FCHSD2: variants seen among roughly 807,000 people sequenced by gnomAD.
The protein encoded by FCHSD2 is FCH and double SH3 domains 2.
Under a neutral mutation model 108.1 loss-of-function variants are expected in FCHSD2, and 38 were observed. That is an observed-to-expected ratio of 0.35 (90% CI 0.27 to 0.46). The LOEUF (loss-of-function observed/expected upper bound fraction) is 0.46. Ranked by LOEUF, FCHSD2 falls within the 20% of genes least tolerant of loss-of-function variation. The pLI is 1.00. For missense variants in FCHSD2, 751 were observed against 897.8 expected (o/e 0.84, Z 2.09); for synonymous variants, 279 against 314.7 (o/e 0.89, Z 1.20).
chr11:72,978,188 C>T (rs756173837), intron 8 of FCHSD2, among the ~76,000 whole-genome samples: 5 of 151,900 alleles, frequency 3.3e-5, no homozygotes, highest in African/African-American at 4.8e-5. Flanking sequence ...GGAGGGATAG[C>T]GTTAGGAGAT....
At chr11:72,887,709 A>T (rs1293561180) in intron 11 of FCHSD2, 135 bp from the exon 12 acceptor site, 3 of 554,790 alleles carry the variant, frequency 5.4e-6, no homozygotes, top group Non-Finnish European at 9.0e-6. Context: ...TTATTTTTTG[A>T]ACATTTTGAA....
intron 8 of FCHSD2, among the ~76,000 whole-genome samples, chr11:72,958,993 A>ATG (rs59339008): frequency 0.17 from 19,421 of 114,520 alleles, 1,325 homozygotes; most frequent in East Asian, 0.45. Context: ...TCAGTAAGAT[A>ATG]TGTGTGTGTG....
In FCHSD2 at chr11:72,988,227, T is replaced by A. The variant is rs371405339; in HGVS notation, c.521+737A>T. On this transcript the variant is annotated intron_variant, in intron 6 of 19. Transcript: ENST00000409418. ...GCACACTGACCCTGAGTCTCAGCTC[T>A]CCTTCTCACAGATGTCTTCAGAGTC... is the stretch of plus-strand genomic sequence containing the variant. Among the ~76,000 whole-genome samples, 5 of 152,322 alleles carry A rather than the reference T, an allele frequency of 3.3e-5. No homozygotes were observed. In the South Asian group the frequency reaches 1.0e-3, roughly 32 times the overall value.
intron 4 of FCHSD2, among the ~76,000 whole-genome samples, chr11:73,002,779 C>T (rs1001087750): frequency 8.5e-5 from 13 of 152,160 alleles, no homozygotes; most frequent in African/African-American, 3.1e-4. Context: ...AGTCTTTCAC[C>T]GTCACCACCA....
At chr11:73,025,543 T>G (rs2135444666) in intron 3 of FCHSD2, among the ~76,000 whole-genome samples, 1 of 152,220 alleles carries the variant, frequency 6.6e-6, no homozygotes, top group East Asian at 1.9e-4. Context: ...TAATGGGTAC[T>G]AGGCTTAATA....
intron 3 of FCHSD2, among the ~76,000 whole-genome samples, chr11:73,072,698 G>A (rs1859464351): frequency 6.6e-6 from 1 of 152,076 alleles, no homozygotes; most frequent in Admixed American, 6.5e-5. Flanking sequence ...TTGGCAGAAA[G>A]AAAAGCTCCA....
At chr11:72,988,686 C>T (rs767026200) in intron 6 of FCHSD2, among the ~76,000 whole-genome samples, 2 of 152,144 alleles carry the variant, frequency 1.3e-5, no homozygotes, top group Admixed American at 6.5e-5. Context: ...TTTTGATAAG[C>T]TTTCAAGTCT....
chr11:72,953,739 T>A (rs1856659432), intron 8 of FCHSD2, among the ~76,000 whole-genome samples: 1 of 152,122 alleles, frequency 6.6e-6, no homozygotes, highest in Non-Finnish European at 1.5e-5. Context: ...TGCCGCCTTA[T>A]GTTGTGTAGT....
chr11:73,079,200 ATTT>A (rs775568668), intron 3 of FCHSD2, among the ~76,000 whole-genome samples: 2 of 143,346 alleles, frequency 1.4e-5, no homozygotes, highest in African/African-American at 2.5e-5. Context: ...AAGAGAAATA[ATTT>A]TTTTTTTTTT....
intron 5 of FCHSD2, among the ~76,000 whole-genome samples, chr11:72,992,507 ATAC>A (rs1438731853): frequency 6.6e-6 from 1 of 152,192 alleles, no homozygotes; most frequent in African/African-American, 2.4e-5. Context: ...ACTTCAAACT[ATAC>A]TACAAGGCTA....
chr11:72,945,890 G>T lies in FCHSD2; in HGVS notation c.706-23940C>A, dbSNP rs181667824. Among the ~76,000 whole-genome samples, 291 of 152,308 alleles carry T rather than the reference G, an allele frequency of 1.9e-3. 2 individuals carry two copies. The highest frequency in any genetic ancestry group is 3.0e-3 in the Non-Finnish European group (206 of 68,032). On this transcript the variant is annotated intron_variant, in intron 8 of 19. Coordinates refer to ENST00000409418, the MANE Select transcript of FCHSD2 (RefSeq NM_014824.3). Reference sequence around the variant, plus strand: ...AGAATGGCGATCATTAGAAAGTCAGGAAACAACTGGTGCTGGAGGGGATGT... The same window carrying T: ...AGAATGGCGATCATTAGAAAGTCAGTAAACAACTGGTGCTGGAGGGGATGT...
chr11:73,134,114 C>T (rs1419524156), intron 2 of FCHSD2, among the ~76,000 whole-genome samples: 1 of 151,426 alleles, frequency 6.6e-6, no homozygotes, highest in Non-Finnish European at 1.5e-5. Context: ...AAAAAAAACT[C>T]TAGACCAGAT....
chr11:72,906,472 T>C (rs1170961385), intron 9 of FCHSD2, among the ~76,000 whole-genome samples: 2 of 152,238 alleles, frequency 1.3e-5, no homozygotes, highest in Non-Finnish European at 2.9e-5. Flanking sequence ...GCCATTGCTT[T>C]CGGTGTTTTA....
At chr11:73,096,024 C>CA (rs1427283958) in intron 2 of FCHSD2, among the ~76,000 whole-genome samples, 2 of 149,758 alleles carry the variant, frequency 1.3e-5, no homozygotes, top group Non-Finnish European at 3.0e-5. Context: ...TAGAAAAAAA[C>CA]AAAAAACAAA....
At chr11:72,970,696 C>T (rs1856991173) in intron 8 of FCHSD2, among the ~76,000 whole-genome samples, 3 of 152,214 alleles carry the variant, frequency 2.0e-5, no homozygotes, top group Admixed American at 6.5e-5. Context: ...CGACATCCCA[C>T]TCACATACAA....
At chr11:72,931,820 T>C (rs2135327125) in intron 8 of FCHSD2, among the ~76,000 whole-genome samples, 1 of 152,280 alleles carries the variant, frequency 6.6e-6, no homozygotes, top group South Asian at 2.1e-4. Context: ...CAAACATCTG[T>C]CAAATAGAAT....
At chr11:73,054,969 G>A (rs370339159) in intron 3 of FCHSD2, among the ~76,000 whole-genome samples, 2 of 152,164 alleles carry the variant, frequency 1.3e-5, no homozygotes, top group Non-Finnish European at 2.9e-5. Flanking sequence ...TTGAGACTGG[G>A]TAGTTTATAA....
chr11:73,061,569 C>G (rs1859165299), intron 3 of FCHSD2, among the ~76,000 whole-genome samples: 1 of 152,222 alleles, frequency 6.6e-6, no homozygotes, highest in Admixed American at 6.5e-5. Context: ...GCTTGAAATT[C>G]TCACTGCCAG....
At chr11:73,111,368 C>T (rs921504859) in intron 2 of FCHSD2, among the ~76,000 whole-genome samples, 1 of 151,998 alleles carries the variant, frequency 6.6e-6, no homozygotes, top group South Asian at 2.1e-4. Context: ...TATACAATGA[C>T]CTTCTTTGTC....
Sources: allele counts gnomAD v4.1 joint callset (sites outside exome capture counted in the v4.1 genomes callset), GRCh38; gene constraint gnomAD v4.1.1; transcripts MANE v1.5; gene names NCBI Gene and HGNC (gene_info 2026-07-23, HGNC 2026-07-21).